ERBB4: variants seen among roughly 807,000 people sequenced by gnomAD.
ERBB4 encodes erb-b2 receptor tyrosine kinase 4.
Under a neutral mutation model 158.0 loss-of-function variants are expected in ERBB4, and 42 were observed. The ratio of observed to expected loss-of-function variants is 0.27; its 90% CI spans 0.21 to 0.34. The LOEUF (loss-of-function observed/expected upper bound fraction) is 0.34, where lower values mean the gene tolerates loss of function less well. Ranked by LOEUF, ERBB4 falls within the 10% of genes least tolerant of loss-of-function variation. The pLI is 1.00. For synonymous variants in ERBB4, 583 were observed against 558.7 expected (o/e 1.04, Z -0.61); for missense variants, 1,333 against 1,624.1 (o/e 0.82, Z 3.08).
At chr2:212,390,626 G>T (rs1188029580) in intron 1 of ERBB4, among the ~76,000 whole-genome samples, 2 of 151,778 alleles carry the variant, frequency 1.3e-5, no homozygotes, top group African/African-American at 2.4e-5. Context: ...GTAATTCACT[G>T]AAACAGAAGA....
chr2:212,274,644 G>A (rs2085460917), intron 1 of ERBB4, among the ~76,000 whole-genome samples: 1 of 151,790 alleles, frequency 6.6e-6, no homozygotes, highest in African/African-American at 2.4e-5. Context: ...TGGTCTGCAA[G>A]TGTTACTGTG....
At chr2:211,511,104 A>G (rs957594991) in intron 20 of ERBB4, among the ~76,000 whole-genome samples, 8 of 151,744 alleles carry the variant, frequency 5.3e-5, no homozygotes, top group Admixed American at 3.9e-4. Flanking sequence ...CAAGTTAATT[A>G]TCAAATCAAT....
At chr2:212,437,124 G>A (rs572242935) in intron 1 of ERBB4, among the ~76,000 whole-genome samples, 1 of 152,148 alleles carries the variant, frequency 6.6e-6, no homozygotes, top group East Asian at 1.9e-4. Flanking sequence ...AAGACCAAAT[G>A]TAAGGTAAAA....
chr2:212,144,435 T>C (rs6435693), intron 1 of ERBB4, among the ~76,000 whole-genome samples: 14,021 of 152,194 alleles, frequency 0.092, 1,231 homozygotes, highest in African/African-American at 0.23. Context: ...CATCCACCAT[T>C]CAACTTACCC....
intron 1 of ERBB4, among the ~76,000 whole-genome samples, chr2:212,193,260 T>C (rs2105883667): frequency 6.6e-6 from 1 of 152,280 alleles, no homozygotes; most frequent in South Asian, 2.1e-4. Context: ...TGAATTGGCA[T>C]TGCCCCCACT....
At chr2:212,137,626 AG>A (rs2080315552) in intron 1 of ERBB4, among the ~76,000 whole-genome samples, 1 of 152,216 alleles carries the variant, frequency 6.6e-6, no homozygotes, top group Admixed American at 6.5e-5. Context: ...ACAATACTGC[AG>A]TGAACATACA....
At chr2:211,552,367 A>G (rs968793097) in intron 20 of ERBB4, among the ~76,000 whole-genome samples, 1 of 152,182 alleles carries the variant, frequency 6.6e-6, no homozygotes, top group Admixed American at 6.5e-5. Flanking sequence ...TAGAATCTAA[A>G]TTATTTTGGC....
At chr2:211,430,777 TAC>T (rs927034624) in intron 21 of ERBB4, among the ~76,000 whole-genome samples, 166 bp downstream of exon 21, 1 of 151,458 alleles carries the variant, frequency 6.6e-6, no homozygotes, top group Non-Finnish European at 1.5e-5. Flanking sequence ...GATATATATA[TAC>T]ACACACATAT....
intron 2 of ERBB4, among the ~76,000 whole-genome samples, chr2:212,056,257 T>G (rs1389982499): frequency 6.6e-6 from 1 of 152,156 alleles, no homozygotes; most frequent in Admixed American, 6.5e-5. Flanking sequence ...GAACAAAGCC[T>G]CCAAGAAATA....
At chr2:211,421,943 C>G in intron 24 of ERBB4, 64 bp downstream of exon 24, 1 of 941,360 alleles carries the variant, frequency 1.1e-6, no homozygotes, top group African/African-American at 1.6e-5. Context: ...AGTCCTGATA[C>G]TACTCATTTT....
At chr2:211,391,867 C>T (rs977827671) in intron 25 of ERBB4, among the ~76,000 whole-genome samples, 11 of 151,942 alleles carry the variant, frequency 7.2e-5, no homozygotes, top group Admixed American at 2.0e-4. Context: ...AATCTACTTT[C>T]GGAGGAAACA....
chr2:211,468,517 C>G (rs577335602), intron 20 of ERBB4, among the ~76,000 whole-genome samples: 3 of 151,946 alleles, frequency 2.0e-5, no homozygotes, highest in Non-Finnish European at 4.4e-5. Context: ...AAAATCTGGA[C>G]GTTATAGATA....
rs73071252 is a variant in ERBB4 at position 212,159,517 on chromosome 2, A to T, written c.83-34614T>A. 9.4e-3 allele frequency among the ~76,000 whole-genome samples: 1,428 copies of T among 152,080 alleles called. 18 individuals are homozygous for T. The highest frequency in any genetic ancestry group is 0.032 in the African/African-American group (1,341 of 41,532). On this transcript the variant is annotated intron_variant, in intron 1 of 27. Transcript: ENST00000342788. ...ATTAGAAGTTCATATATTTTCAACA[A>T]AAAGGAACTCATCTAAATGCCAGCC...
rs1480922335 is a variant in ERBB4, at chr2:211,449,840, C to G, written c.2488-18740G>C. The stretch of plus-strand genomic sequence containing the variant: ...GTACTTAGAAGAAGAGCAGAACAAG[C>G]CTCTAGAGGCTAACTAGGGAATTAA... On this transcript the variant is annotated intron_variant, in intron 20 of 27. Transcript: ENST00000342788. 4.6e-5 allele frequency among the ~76,000 whole-genome samples: 7 copies of G among 152,076 alleles called. No homozygotes were observed. The East Asian group carries it at 1.3e-3, about 29-fold the overall frequency.
intron 25 of ERBB4, among the ~76,000 whole-genome samples, chr2:211,406,824 T>C (rs1253771159): frequency 6.6e-6 from 1 of 152,212 alleles, no homozygotes; most frequent in Non-Finnish European, 1.5e-5. Context: ...CTCATGCTTA[T>C]AATCCCAGAA....
At chr2:212,084,456 A>C (rs2078541348) in intron 2 of ERBB4, among the ~76,000 whole-genome samples, 1 of 152,006 alleles carries the variant, frequency 6.6e-6, no homozygotes, top group African/African-American at 2.4e-5. Context: ...ATTCTCAAAT[A>C]AAGAAAATTA....
chr2:212,503,059 T>G (rs1690981991), intron 1 of ERBB4, among the ~76,000 whole-genome samples: 1 of 152,170 alleles, frequency 6.6e-6, no homozygotes, highest in Non-Finnish European at 1.5e-5. Flanking sequence ...TTCCATTCTT[T>G]TTCCCCCATT....
chr2:211,585,148 C>G lies in ERBB4; in HGVS notation c.2302-23060G>C, dbSNP rs191536262. ...CGGGCGGATCACGAAGTCAGGAGAT[C>G]GAGACCATCCTGGCTAACACGGTGA... On this transcript the variant is annotated intron_variant, in intron 19 of 27. Coordinates refer to ENST00000342788, the MANE Select transcript of ERBB4 (RefSeq NM_005235.3). Among the ~76,000 whole-genome samples, 796 of 152,038 alleles carry G rather than the reference C, an allele frequency of 5.2e-3. 7 individuals carry two copies. Among genetic ancestry groups the G allele is most frequent in the African/African-American group, 0.018 (758 of 41,500 alleles).
At chr2:211,797,158 C>T (rs577614017) in intron 3 of ERBB4, among the ~76,000 whole-genome samples, 6 of 151,926 alleles carry the variant, frequency 3.9e-5, no homozygotes, top group African/African-American at 1.4e-4. Context: ...CCAGAAAGCC[C>T]TCATTACAGA....
Sources: gnomAD v4.1 joint callset for allele counts (sites outside exome capture counted in the v4.1 genomes callset) on GRCh38, gnomAD v4.1.1 for gene constraint, MANE v1.5 for transcripts, NCBI Gene and HGNC (gene_info 2026-07-23, HGNC 2026-07-21) for gene names.